The following CEP128 variants were observed in gnomAD, a reference collection of about 807,000 sequenced individuals.
CEP128 encodes centrosomal protein 128.
Under a neutral mutation model 156.7 loss-of-function variants are expected in CEP128, and 132 were observed. The observed-to-expected ratio is 0.84, with a 90% CI of 0.73 to 0.97. The LOEUF (loss-of-function observed/expected upper bound fraction) is 0.97, where lower values mean the gene tolerates loss of function less well. Ranked by LOEUF, CEP128 falls within the 50% of genes least tolerant of loss-of-function variation. The pLI, the probability that CEP128 is intolerant of heterozygous loss-of-function variation, is 0.00. For synonymous variants in CEP128, 469 were observed against 448.9 expected (o/e 1.04, Z -0.57); for missense variants, 1,252 against 1,281.9 (o/e 0.98, Z 0.36).
At chr14:80,675,942 A>G (rs145083976) in intron 19 of CEP128, among the ~76,000 whole-genome samples, 1 of 152,100 alleles carries the variant, frequency 6.6e-6, no homozygotes, top group Non-Finnish European at 1.5e-5. Flanking sequence ...ATGCCACACT[A>G]GTCTTGATAA....
chr14:80,856,174 T>TA (rs1158937031), intron 9 of CEP128, among the ~76,000 whole-genome samples: 1 of 152,214 alleles, frequency 6.6e-6, no homozygotes, highest in African/African-American at 2.4e-5. Flanking sequence ...GCTCCCATCT[T>TA]AAACACTTAA....
chr14:80,867,744 T>C (rs1260235094), intron 8 of CEP128, among the ~76,000 whole-genome samples: 2 of 151,952 alleles, frequency 1.3e-5, no homozygotes, highest in African/African-American at 4.8e-5. Context: ...AATTTACTCA[T>C]AATGGAAGTC....
chr14:80,626,458 G>T (rs1448201476), intron 19 of CEP128, among the ~76,000 whole-genome samples: 1 of 109,290 alleles, frequency 9.1e-6, no homozygotes. Flanking sequence ...GCGACAGAGC[G>T]AGACTCCGTC....
At chr14:80,899,640 C>A (rs1365178244) in intron 7 of CEP128, among the ~76,000 whole-genome samples, 1 of 152,190 alleles carries the variant, frequency 6.6e-6, no homozygotes, top group Non-Finnish European at 1.5e-5. Context: ...GTGTCTCTCT[C>A]TCCAATGTAT....
chr14:80,624,511 C>G (rs954259037), intron 19 of CEP128, among the ~76,000 whole-genome samples: 6 of 152,132 alleles, frequency 3.9e-5, no homozygotes, highest in African/African-American at 1.2e-4. Context: ...GTACTGTTTT[C>G]CATAATGGAG....
intron 14 of CEP128, among the ~76,000 whole-genome samples, chr14:80,483,205 T>A (rs1010978527): frequency 1.3e-5 from 2 of 152,204 alleles, no homozygotes; most frequent in African/African-American, 2.4e-5. Flanking sequence ...ATCTCAAGGA[T>A]TTTGTTCCAC....
intron 2 of CEP128, among the ~76,000 whole-genome samples, chr14:80,923,049 G>A (rs1884961706): frequency 6.6e-6 from 1 of 152,222 alleles, no homozygotes; most frequent in South Asian, 2.1e-4. Context: ...AGAAGACTAA[G>A]ATGGGTGACC....
chr14:80,897,693 C>G (rs534546430), intron 7 of CEP128, among the ~76,000 whole-genome samples: 2 of 152,300 alleles, frequency 1.3e-5, no homozygotes, highest in African/African-American at 4.8e-5. Context: ...AAACCCCTGT[C>G]CATCTCTCTC....
At chr14:80,943,172 A>C (rs560051059), upstream of CEP128, among the ~76,000 whole-genome samples, 2 of 152,232 alleles carry the variant, frequency 1.3e-5, no homozygotes, top group Non-Finnish European at 2.9e-5. Context: ...AATTCAGCAA[A>C]TGTATGCTGT....
intron 19 of CEP128, among the ~76,000 whole-genome samples, chr14:80,670,316 T>G (rs888182102): frequency 6.6e-6 from 1 of 152,178 alleles, no homozygotes. Context: ...ATAGCAAAGA[T>G]GTGGATTCAA....
chr14:80,944,216 G>A (rs1169933216), upstream of CEP128, among the ~76,000 whole-genome samples: 2 of 152,056 alleles, frequency 1.3e-5, no homozygotes, highest in African/African-American at 2.4e-5. Context: ...AATCATCTGA[G>A]CTTAGATTTA....
intron 13 of CEP128, among the ~76,000 whole-genome samples, chr14:80,798,856 T>C (rs533758666): frequency 1.3e-5 from 2 of 152,208 alleles, no homozygotes; most frequent in Non-Finnish European, 2.9e-5. Flanking sequence ...CACTTGACAG[T>C]GAACACACAC....
chr14:80,524,413 C>G (rs1326342226), intron 23 of CEP128, among the ~76,000 whole-genome samples: 1 of 152,120 alleles, frequency 6.6e-6, no homozygotes, highest in African/African-American at 2.4e-5. Flanking sequence ...TCCTATTTCT[C>G]TTATCTGAAG....
At chr14:80,610,403 CAT>C (rs1008155402) in intron 19 of CEP128, among the ~76,000 whole-genome samples, 1 of 152,010 alleles carries the variant, frequency 6.6e-6, no homozygotes, top group African/African-American at 2.4e-5. Context: ...TAGTAAGAGA[CAT>C]AGATTGCTAA....
chr14:80,869,162 C>T (rs372116480), intron 8 of CEP128, among the ~76,000 whole-genome samples: 37 of 152,128 alleles, frequency 2.4e-4, no homozygotes, highest in African/African-American at 7.5e-4. Flanking sequence ...CATCAAACAG[C>T]AGCAGAATAC....
chr14:80,769,810 A>G (rs1257665579), intron 16 of CEP128, among the ~76,000 whole-genome samples: 1 of 152,206 alleles, frequency 6.6e-6, no homozygotes, highest in Non-Finnish European at 1.5e-5. Flanking sequence ...TTGAGTCAAT[A>G]AACAATTTAA....
At chr14:80,566,854 G>GA (rs11390467) in intron 20 of CEP128, among the ~76,000 whole-genome samples, 83,778 of 138,830 alleles carry the variant, frequency 0.6, 23,894 homozygotes, top group East Asian at 0.74. Flanking sequence ...ACATATTGAA[G>GA]AAAAAAAAAA....
At chr14:80,572,634 G>A (rs779066147) in intron 20 of CEP128, among the ~76,000 whole-genome samples, 4 of 152,064 alleles carry the variant, frequency 2.6e-5, no homozygotes, top group Admixed American at 1.3e-4. Context: ...CCACTGACTC[G>A]AGACTGGCAA....
chr14:80,539,129 G>C (rs1355344079), intron 21 of CEP128, among the ~76,000 whole-genome samples: 2 of 152,190 alleles, frequency 1.3e-5, no homozygotes, highest in African/African-American at 4.8e-5. Context: ...CACTGTTCTA[G>C]AGGTGAAAAG....
Sources: allele counts gnomAD v4.1 joint callset (sites outside exome capture counted in the v4.1 genomes callset), GRCh38; gene constraint gnomAD v4.1.1; transcripts MANE v1.5; gene names NCBI Gene and HGNC (gene_info 2026-07-23, HGNC 2026-07-21).